The following BRCA1 variants were observed in gnomAD, a reference collection of about 807,000 sequenced individuals.
BRCA1 encodes BRCA1 DNA repair associated, also known as breast cancer type 1 susceptibility protein.
A neutral mutation model predicts 173.7 loss-of-function variants in BRCA1; 140 were observed. The observed-to-expected ratio is 0.81, with a 90% CI of 0.70 to 0.93. The LOEUF (loss-of-function observed/expected upper bound fraction) is 0.93. Ranked by LOEUF, BRCA1 falls within the 40% of genes least tolerant of loss-of-function variation. The probability of loss-of-function intolerance (pLI) is 0.00; values close to 1 mark genes in which losing one functional copy is unlikely to be tolerated. For synonymous variants in BRCA1, 662 were observed against 756.0 expected, an observed-to-expected ratio of 0.88 and a Z score of 2.04; for missense variants, 1,983 against 2,172.5, an observed-to-expected ratio of 0.91 and a Z score of 1.73.
At chr17:43,067,423 T>C (rs925596007) in intron 16 of BRCA1, 185 bp downstream of exon 16, 11 of 496,556 alleles carry the variant, frequency 2.2e-5, no homozygotes, top group African/African-American at 2.2e-4. Flanking sequence ...CCCAGCTAAT[T>C]TTTTTATTTT....
At chr17:43,086,524 C>T (rs770727938) in intron 11 of BRCA1, among the ~76,000 whole-genome samples, 4 of 152,064 alleles carry the variant, frequency 2.6e-5, no homozygotes, top group Non-Finnish European at 5.9e-5. Context: ...CGTAAGACAG[C>T]CTGAAATCTG....
intron 1 of BRCA1, among the ~76,000 whole-genome samples, chr17:43,149,314 A>C (rs2056145187): frequency 6.8e-6 from 1 of 146,024 alleles, no homozygotes; most frequent in South Asian, 2.1e-4. Context: ...ATGGGGTTTC[A>C]CCATGTTAGC....
intron 15 of BRCA1, among the ~76,000 whole-genome samples, chr17:43,069,547 G>A (rs1220856783): frequency 2.0e-5 from 3 of 152,180 alleles, no homozygotes; most frequent in Non-Finnish European, 2.9e-5. Context: ...AATAAATAAG[G>A]AATTCTGGAC....
At chr17:43,086,296 C>T (rs2154195858) in intron 11 of BRCA1, among the ~76,000 whole-genome samples, 1 of 152,148 alleles carries the variant, frequency 6.6e-6, no homozygotes, top group Non-Finnish European at 1.5e-5. Flanking sequence ...TCCCTAATGC[C>T]TAGCAGACAG....
chr17:43,100,595 TTATATA>T (rs1488872824), intron 6 of BRCA1, among the ~76,000 whole-genome samples: 2 of 61,990 alleles, frequency 3.2e-5, no homozygotes, highest in African/African-American at 8.0e-5. Flanking sequence ...CATATATATA[TTATATA>T]TATATAACAT....
intron 11 of BRCA1, among the ~76,000 whole-genome samples, chr17:43,087,456 A>G (rs533463117): frequency 4.0e-4 from 61 of 152,254 alleles, no homozygotes; most frequent in African/African-American, 1.4e-3. Flanking sequence ...TGAGGCCAGG[A>G]GTTTGAGACC....
intron 18 of BRCA1, among the ~76,000 whole-genome samples, chr17:43,057,830 C>T (rs540485703): frequency 6.7e-6 from 1 of 149,994 alleles, no homozygotes; most frequent in Non-Finnish European, 1.5e-5. Flanking sequence ...AGCGAGACTC[C>T]GTCTCAAAAC....
chr17:43,058,657 T>C (rs548763916), intron 18 of BRCA1, among the ~76,000 whole-genome samples: 29 of 152,364 alleles, frequency 1.9e-4, no homozygotes, highest in Non-Finnish European at 3.8e-4. Context: ...GCTAATACTG[T>C]GCTGTTATAA....
chr17:43,110,887 G>A (rs1478095398), intron 3 of BRCA1, among the ~76,000 whole-genome samples: 1 of 151,910 alleles, frequency 6.6e-6, no homozygotes, highest in Non-Finnish European at 1.5e-5. Flanking sequence ...GATCACCTGA[G>A]GTCAGGAGTT....
chr17:43,110,683 A>G, intron 3 of BRCA1: 1 of 295,114 alleles, frequency 3.4e-6, no homozygotes, highest in Non-Finnish European at 7.1e-6. Context: ...ATCTTCAAAA[A>G]AGTATTACAG....
intron 19 of BRCA1, among the ~76,000 whole-genome samples, chr17:43,056,807 C>T (rs893364968): frequency 6.6e-6 from 1 of 152,180 alleles, no homozygotes; most frequent in East Asian, 1.9e-4. Context: ...AAGATCTGAA[C>T]CCGAGACGGG....
intron 1 of BRCA1, among the ~76,000 whole-genome samples, chr17:43,143,237 G>A (rs1026916138): frequency 2.6e-5 from 4 of 151,818 alleles, no homozygotes; most frequent in Non-Finnish European, 5.9e-5. Context: ...CACCATGCCC[G>A]GCCTAGTCTT....
Position 43,093,651 on chromosome 17 carries a change from A to C in BRCA1, c.1880T>G (p.Val627Gly), listed in dbSNP as rs770002293. Reference sequence around the variant, plus strand: ...ATTAGGTGGGCTTAGATTTCTACTGACTACTAGTTCAAGCGCATGAATATG... The same window carrying C: ...ATTAGGTGGGCTTAGATTTCTACTGCCTACTAGTTCAAGCGCATGAATATG... ...TRHIHALELV[V>G]SRNLSPPNCT... The change falls in exon 10 of 23, where the codon GTC (valine) becomes GGC (glycine). Residue 627 changes from valine (V) to glycine (G), a missense_variant. By Grantham distance (109) the Val-to-Gly change is moderately radical. Coordinates refer to ENST00000357654, the MANE Select transcript of BRCA1 (RefSeq NM_007294.4). 1 of 1,614,042 alleles carries C rather than the reference A, an allele frequency of 6.2e-7. No homozygotes were observed. The highest frequency in any genetic ancestry group is 2.2e-5 in the East Asian group (1 of 44,876).
intron 1 of BRCA1, among the ~76,000 whole-genome samples, chr17:43,169,678 A>G (rs1247239885): frequency 6.8e-6 from 1 of 148,000 alleles, no homozygotes; most frequent in East Asian, 2.0e-4. Context: ...CCATCTGCCT[A>G]GCTTCGGAAA....
Position 43,044,330 on chromosome 17 carries a change from A to G in BRCA1, c.*1348T>C, listed in dbSNP as rs1483881344. The G allele has an allele frequency of 2.0e-6, 1 of 490,644 alleles. No homozygotes were observed. The highest frequency in any genetic ancestry group is 1.6e-5 in the South Asian group (1 of 64,188). The allele number at this position is 490,644 out of a possible 1,614,324, so 30.4% of individuals were successfully genotyped here. A position where few individuals can be genotyped will look rare whatever the true frequency, so the allele number is the denominator to read the frequency against. ...TGCTACCAAGTTTATTTGCAGTGTT[A>G]ACAGCACAACATTTACAAAACGTAT... On this transcript the variant is annotated 3_prime_UTR_variant, in exon 23 of 23. Coordinates refer to ENST00000357654, the MANE Select transcript of BRCA1 (RefSeq NM_007294.4).
intron 18 of BRCA1, among the ~76,000 whole-genome samples, chr17:43,060,981 G>A (rs540511191): frequency 6.6e-5 from 10 of 152,062 alleles, no homozygotes; most frequent in Admixed American, 2.6e-4. Context: ...AAAACTAGTC[G>A]GGTGTGGTAG....
chr17:43,115,876 G>A lies in BRCA1; in HGVS notation c.81-97C>T, dbSNP rs1025748159. 5.4e-6 allele frequency: 7 copies of A among 1,284,942 alleles called. No homozygotes were observed. In the African/African-American group the frequency reaches 1.0e-4, roughly 19 times the overall value. The allele number at this position is 1,284,942 out of a possible 1,614,324, so 79.6% of individuals were successfully genotyped here. A position where few individuals can be genotyped will look rare whatever the true frequency, so the allele number is the denominator to read the frequency against. On this transcript the variant is annotated intron_variant, in intron 2 of 22. Coordinates refer to ENST00000357654, the MANE Select transcript of BRCA1 (RefSeq NM_007294.4). ...TAGTGAATAAGTTCAACTTTGAGCT[G>A]TTATGACTGAGTCAACATAAGGCCT...
At chr17:43,100,574 CATATATATAACATATATATATTAT>C (rs1567807050) in intron 6 of BRCA1, among the ~76,000 whole-genome samples, 2 of 56,320 alleles carry the variant, frequency 3.6e-5, no homozygotes, top group African/African-American at 6.5e-5. Context: ...ATATATATAA[CATATATATAACATATATATATTAT>C]ATATATATAA....
At position 43,097,306 on chromosome 17, in the gene BRCA1, C is replaced by A. The variant is rs80358014; in HGVS notation, c.548-17G>T. Reference sequence around the variant, plus strand: ...AATCAGATCCTAAAAAATTTCCCCCCAAAAAATAAATCAATAAAAGTTTTC... The same window carrying A: ...AATCAGATCCTAAAAAATTTCCCCCAAAAAAATAAATCAATAAAAGTTTTC... On this transcript the variant is annotated splice_polypyrimidine_tract_variant and intron_variant, in intron 7 of 22. Transcript: ENST00000357654. 464 of 1,606,792 alleles carry A rather than the reference C, an allele frequency of 2.9e-4. No individual in the cohort carries two copies. Among genetic ancestry groups the A allele is most frequent in the Non-Finnish European group, 3.5e-4 (408 of 1,174,234 alleles).
Sources: allele counts gnomAD v4.1 joint callset (sites outside exome capture counted in the v4.1 genomes callset), GRCh38; gene constraint gnomAD v4.1.1; transcripts MANE v1.5; gene names NCBI Gene and HGNC (gene_info 2026-07-23, HGNC 2026-07-21).